The following ACVR1C variants were observed in gnomAD, a reference collection of about 807,000 sequenced individuals.
ACVR1C encodes activin A receptor type 1C, also known as activin receptor type-1C.
A neutral mutation model predicts 57.9 loss-of-function variants in ACVR1C; 23 were observed. The ratio of observed to expected loss-of-function variants is 0.40; its 90% CI spans 0.29 to 0.56. The LOEUF (loss-of-function observed/expected upper bound fraction) is 0.56, where lower values mean the gene tolerates loss of function less well. ACVR1C is among the 20% of genes least tolerant of loss of function. The pLI is 0.50. For synonymous variants in ACVR1C, 214 were observed against 215.3 expected (o/e 0.99, Z 0.05); for missense variants, 480 against 607.9 (o/e 0.79, Z 2.21).
At chr2:157,565,208 G>T (rs1474568623) in intron 2 of ACVR1C, among the ~76,000 whole-genome samples, 13 of 152,274 alleles carry the variant, frequency 8.5e-5, no homozygotes, top group African/African-American at 3.1e-4. Flanking sequence ...TGATGAATCA[G>T]TCCAACATAA....
At chr2:157,556,406 C>A in intron 2 of ACVR1C, 74 bp from the exon 3 acceptor site, 1 of 1,571,838 alleles carries the variant, frequency 6.4e-7, no homozygotes, top group East Asian at 2.3e-5. Context: ...GAATTGCAAT[C>A]ACCAAAATTT....
intron 1 of ACVR1C, among the ~76,000 whole-genome samples, chr2:157,611,967 A>G (rs1205476607): frequency 6.6e-6 from 1 of 152,188 alleles, no homozygotes; most frequent in East Asian, 1.9e-4. Flanking sequence ...TCTAGAGCAG[A>G]GCATTCATGC....
chr2:157,553,522 C>T (rs1287304654), intron 3 of ACVR1C, among the ~76,000 whole-genome samples: 1 of 151,970 alleles, frequency 6.6e-6, no homozygotes, highest in African/African-American at 2.4e-5. Flanking sequence ...TTTTTGATTT[C>T]TGCCCTAGCC....
At chr2:157,582,656 G>C (rs1019060092) in intron 2 of ACVR1C, among the ~76,000 whole-genome samples, 2 of 152,026 alleles carry the variant, frequency 1.3e-5, no homozygotes, top group Non-Finnish European at 2.9e-5. Flanking sequence ...CTAGAATCAG[G>C]AAAAAGGCAA....
At chr2:157,542,588 G>T in intron 6 of ACVR1C, 118 bp downstream of exon 6, 2 of 1,211,800 alleles carry the variant, frequency 1.7e-6, no homozygotes, top group Non-Finnish European at 2.3e-6. Context: ...AAGACTTCTG[G>T]ATTTCTTGGG....
chr2:157,563,996 C>G (rs1276228558), intron 2 of ACVR1C, among the ~76,000 whole-genome samples: 1 of 152,070 alleles, frequency 6.6e-6, no homozygotes, highest in South Asian at 2.1e-4. Flanking sequence ...AATGTAAAAC[C>G]AAAAACCATA....
chr2:157,565,255 T>C (rs1156803181), intron 2 of ACVR1C, among the ~76,000 whole-genome samples: 1 of 152,144 alleles, frequency 6.6e-6, no homozygotes, highest in Admixed American at 6.5e-5. Flanking sequence ...GAATTTGAAG[T>C]AGAATGGGCT....
intron 4 of ACVR1C, among the ~76,000 whole-genome samples, chr2:157,545,240 T>A (rs989363881): frequency 6.6e-6 from 1 of 152,230 alleles, no homozygotes. Context: ...CTAAAACTTT[T>A]CTACATATTA....
rs555558807 is a variant in ACVR1C at position 157,600,976 on chromosome 2, TA to T, written c.74-13560del. 2.1e-3 allele frequency among the ~76,000 whole-genome samples: 318 copies of T among 152,270 alleles called. 1 individual carries two copies. Among genetic ancestry groups the T allele is most frequent in the Non-Finnish European group, 3.4e-3 (230 of 68,020 alleles). On this transcript the variant is annotated intron_variant, in intron 1 of 8. Transcript: ENST00000243349. ...CATTTTTAAAATCCATAATGCTTTT[TA>T]AAAATATAGTTCTTAGACTTCTAGG...
At chr2:157,625,970 G>A (rs570122278) in intron 1 of ACVR1C, among the ~76,000 whole-genome samples, 27 of 152,110 alleles carry the variant, frequency 1.8e-4, no homozygotes, top group East Asian at 3.9e-4. Context: ...TGAGTTTTTC[G>A]TTGCTCTTGT....
chr2:157,534,884 A>G (rs1014691012), intron 8 of ACVR1C, among the ~76,000 whole-genome samples: 1 of 152,104 alleles, frequency 6.6e-6, no homozygotes, highest in Non-Finnish European at 1.5e-5. Flanking sequence ...AGCCAGGCGC[A>G]GTGTCTCATG....
At chr2:157,611,401 G>A (rs1333031839) in intron 1 of ACVR1C, among the ~76,000 whole-genome samples, 1 of 152,186 alleles carries the variant, frequency 6.6e-6, no homozygotes, top group African/African-American at 2.4e-5. Context: ...CGGTCTTTAG[G>A]CACGAGTGGT....
At chr2:157,623,063 T>A (rs1171580452) in intron 1 of ACVR1C, among the ~76,000 whole-genome samples, 2 of 152,058 alleles carry the variant, frequency 1.3e-5, no homozygotes, top group African/African-American at 4.8e-5. Context: ...AATGATATCA[T>A]CTCACCCCAT....
At chr2:157,561,183 T>C (rs1170682784) in intron 2 of ACVR1C, among the ~76,000 whole-genome samples, 1 of 152,096 alleles carries the variant, frequency 6.6e-6, no homozygotes, top group Non-Finnish European at 1.5e-5. Flanking sequence ...TTAAAACCAA[T>C]CCCCCTCCTT....
chr2:157,553,684 G>T (rs6437106), intron 3 of ACVR1C, among the ~76,000 whole-genome samples: 32,507 of 151,958 alleles, frequency 0.21, 6,014 homozygotes, highest in African/African-American at 0.51. Context: ...AATTAAAATG[G>T]TTTTGGGGAT....
At chr2:157,550,420 A>C in intron 3 of ACVR1C, 28 bp from the exon 4 acceptor site, 3 of 1,590,136 alleles carry the variant, frequency 1.9e-6, no homozygotes, top group Non-Finnish European at 2.6e-6. Context: ...GGAATTGATA[A>C]TTAAACACAA....
intron 1 of ACVR1C, among the ~76,000 whole-genome samples, chr2:157,589,112 G>C (rs1488487035): frequency 6.6e-6 from 1 of 151,552 alleles, no homozygotes; most frequent in Admixed American, 6.6e-5. Flanking sequence ...TCTCCATACT[G>C]TTTTCCATAG....
At chr2:157,581,648 A>G (rs1444364013) in intron 2 of ACVR1C, among the ~76,000 whole-genome samples, 1 of 152,186 alleles carries the variant, frequency 6.6e-6, no homozygotes, top group Non-Finnish European at 1.5e-5. Context: ...TCAGCTACCC[A>G]GAAATGACCC....
intron 2 of ACVR1C, among the ~76,000 whole-genome samples, chr2:157,575,261 T>C (rs1170812081): frequency 6.6e-6 from 1 of 151,910 alleles, no homozygotes; most frequent in Non-Finnish European, 1.5e-5. Context: ...CCTGAGTGAG[T>C]AGCTGGGATT....
Sources: allele counts gnomAD v4.1 joint callset (sites outside exome capture counted in the v4.1 genomes callset), GRCh38; gene constraint gnomAD v4.1.1; transcripts MANE v1.5; gene names NCBI Gene and HGNC (gene_info 2026-07-23, HGNC 2026-07-21).